TPTE2: variants seen among roughly 807,000 people sequenced by gnomAD.
The protein encoded by TPTE2 is phosphatidylinositol 3,4,5-trisphosphate 3-phosphatase TPTE2.
Under a neutral mutation model 78.6 loss-of-function variants are expected in TPTE2, and 53 were observed. The observed-to-expected ratio is 0.67, with a 90% CI of 0.54 to 0.85. The LOEUF is 0.85. TPTE2 is among the 40% of genes least tolerant of loss of function. TPTE2 has a pLI of 0.00. For missense variants in TPTE2, 461 were observed against 623.0 expected (o/e 0.74, Z 2.77); for synonymous variants, 175 against 206.2 (o/e 0.85, Z 1.30).
intron 7 of TPTE2, among the ~76,000 whole-genome samples, chr13:19,466,584 A>C (rs1350967313): frequency 1.3e-5 from 2 of 152,228 alleles, no homozygotes; most frequent in East Asian, 3.8e-4. Flanking sequence ...AATCCCTAAC[A>C]GTTCTAACTT....
intron 10 of TPTE2, among the ~76,000 whole-genome samples, chr13:19,452,409 C>T (rs1474037574): frequency 3.3e-5 from 5 of 151,982 alleles, no homozygotes; most frequent in Admixed American, 6.6e-5. Context: ...ACAGGGGAAA[C>T]GATTTTTCAG....
intron 1 of TPTE2, among the ~76,000 whole-genome samples, chr13:19,514,609 G>GTGTGTGTGTGTC (rs1197392209): frequency 6.6e-6 from 1 of 150,422 alleles, no homozygotes; most frequent in Non-Finnish European, 1.5e-5. Context: ...GTGTGTGTGT[G>GTGTGTGTGTGTC]TGTGTGTGTG....
At chr13:19,546,467 GT>G in the TPTE2 span, among the ~76,000 whole-genome samples, 2 of 126,046 alleles carry the variant, frequency 1.6e-5, no homozygotes, top group East Asian at 2.5e-4. Flanking sequence ...TGATTTTTGG[GT>G]TTTTTTTTCT....
chr13:19,446,505 T>C (rs1957107491), intron 13 of TPTE2, among the ~76,000 whole-genome samples: 1 of 152,142 alleles, frequency 6.6e-6, no homozygotes, highest in Admixed American at 6.6e-5. Context: ...AAGACCCAAA[T>C]ACTAAAAATG....
intron 13 of TPTE2, among the ~76,000 whole-genome samples, chr13:19,443,349 A>G (rs996587042): frequency 1.3e-5 from 2 of 150,976 alleles, no homozygotes; most frequent in African/African-American, 2.4e-5. Context: ...TTTAAAAAAA[A>G]AAAAACTCTT....
chr13:19,542,094 G>A, the TPTE2 span, among the ~76,000 whole-genome samples: 22 of 152,100 alleles, frequency 1.4e-4, no homozygotes, highest in Non-Finnish European at 2.4e-4. Context: ...CCATGAAATT[G>A]TTCATAATAG....
intron 1 of TPTE2, among the ~76,000 whole-genome samples, chr13:19,496,579 G>C (rs1457042315): frequency 1.3e-5 from 2 of 152,178 alleles, no homozygotes; most frequent in Non-Finnish European, 2.9e-5. Context: ...TTGTGTTTTA[G>C]CACCAACCTC....
intron 1 of TPTE2, among the ~76,000 whole-genome samples, chr13:19,496,206 A>G (rs1481033593): frequency 1.3e-5 from 2 of 152,132 alleles, no homozygotes; most frequent in African/African-American, 2.4e-5. Context: ...TTACCCTTAC[A>G]GAAGTCATGT....
At chr13:19,515,948 T>C (rs2137707083) in intron 1 of TPTE2, among the ~76,000 whole-genome samples, 1 of 152,348 alleles carries the variant, frequency 6.6e-6, no homozygotes, top group Admixed American at 6.5e-5. Flanking sequence ...AGATGTGAAC[T>C]CCTTTCAGGG....
At chr13:19,557,619 A>G in the TPTE2 span, among the ~76,000 whole-genome samples, 1 of 152,170 alleles carries the variant, frequency 6.6e-6, no homozygotes. Context: ...TGCCCAAATT[A>G]TTCTTTAGTC....
In TPTE2 at chr13:19,453,711, C is replaced by T. The variant is rs544954359; in HGVS notation, c.742-2486G>A. On this transcript the variant is annotated intron_variant, in intron 10 of 19. Transcript: ENST00000400230. ...AACTCTGCCAAGAATCTACATTTTT[C>T]TGGTCACAATCTGTCACCAGATGGA... Among the ~76,000 whole-genome samples, 28 of 152,100 alleles carry T rather than the reference C, an allele frequency of 1.8e-4. No individual in the cohort carries two copies. The South Asian group carries it at 3.7e-3, about 20-fold the overall frequency.
chr13:19,451,203 T>C, exon 11 of TPTE2: 1 of 1,613,538 alleles, frequency 6.2e-7, no homozygotes, highest in African/African-American at 1.3e-5. Flanking sequence ...TCGATGTTTC[T>C]TATCTAGAAA....
intron 1 of TPTE2, among the ~76,000 whole-genome samples, chr13:19,511,146 G>C (rs1479958325): frequency 6.6e-6 from 1 of 152,154 alleles, no homozygotes; most frequent in Admixed American, 6.6e-5. Context: ...GGTCTATAGG[G>C]GTCTGGCATA....
intron 1 of TPTE2, among the ~76,000 whole-genome samples, chr13:19,519,919 T>C (rs1870046278): frequency 6.6e-6 from 1 of 152,190 alleles, no homozygotes. Context: ...ACAGAATGTG[T>C]ATCCATTTAT....
At chr13:19,491,350 C>T (rs1278212736) in intron 3 of TPTE2, among the ~76,000 whole-genome samples, 1 of 151,980 alleles carries the variant, frequency 6.6e-6, no homozygotes. Flanking sequence ...ACATTTTTTG[C>T]ACCAAAAGGA....
Position 19,535,218 on chromosome 13 carries a change from CAA to C in TPTE2, c.-44+1376_-44+1377del, listed in dbSNP as rs1227358531. 0.084 allele frequency among the ~76,000 whole-genome samples: 1,030 copies of C among 12,248 alleles called. 10 individuals carry two copies. Among genetic ancestry groups the C allele is most frequent in the African/African-American group, 0.13 (947 of 7,062 alleles). The allele number at this position is 12,248 out of a possible 152,430, so 8.0% of individuals were successfully genotyped here. ...ATTCCTTCTCAAAAAAACAAACAAA[CAA>C]AAAAATATATATATATATATATTCT... On this transcript the variant is annotated intron_variant, in intron 1 of 17. Transcript: ENST00000390680. The surrounding 1 kb of genome is among the most constrained non-coding windows in gnomAD (Gnocchi z 5.1).
chr13:19,550,600 A>G, the TPTE2 span, among the ~76,000 whole-genome samples: 4,493 of 152,192 alleles, frequency 0.03, 183 homozygotes, highest in African/African-American at 0.088. Flanking sequence ...TACTCCTCAC[A>G]CCAATCTCAT....
the TPTE2 span, chr13:19,561,180 G>T: frequency 1.0e-5 from 16 of 1,563,460 alleles, no homozygotes; most frequent in African/African-American, 2.7e-5. Flanking sequence ...CTCTGTCTCC[G>T]AGGAGCCCTT....
chr13:19,528,858 G>A lies in TPTE2; in HGVS notation c.-44+7738C>T, dbSNP rs139566410. ...GACTTGGCTGGGTGTGGTGGCTCAC[G>A]CCTGTAATCCCAGCACTTTGGGAGG... is the stretch of plus-strand genomic sequence containing the variant. On this transcript the variant is annotated intron_variant, in intron 1 of 17. Coordinates refer to the TPTE2 transcript ENST00000390680. 6.3e-3 allele frequency among the ~76,000 whole-genome samples: 965 copies of A among 152,182 alleles called. 16 individuals carry two copies. The highest frequency in any genetic ancestry group is 0.022 in the African/African-American group (921 of 41,524).
Sources: gnomAD v4.1 joint callset for allele counts (sites outside exome capture counted in the v4.1 genomes callset) on GRCh38, gnomAD v4.1.1 for gene constraint, Gnocchi (gnomAD v3.1) non-coding constraint, MANE v1.5 for transcripts, NCBI Gene and HGNC (gene_info 2026-07-23, HGNC 2026-07-21) for gene names.